The following AAMDC variants were observed in gnomAD, a reference collection of about 807,000 sequenced individuals.
AAMDC encodes the protein mth938 domain-containing protein.
A neutral mutation model predicts 15.5 loss-of-function variants in AAMDC; 16 were observed. That is an observed-to-expected ratio of 1.03 (90% CI 0.70 to 1.57). The LOEUF (loss-of-function observed/expected upper bound fraction) is 1.57, where lower values mean the gene tolerates loss of function less well. AAMDC is among the 40% of genes most tolerant of loss of function. AAMDC has a pLI of 0.00. For synonymous variants in AAMDC, 51 were observed against 51.6 expected (o/e 0.99, Z 0.05); for missense variants, 141 against 144.9 (o/e 0.97, Z 0.14).
intron 2 of AAMDC, 37 bp from the exon 3 acceptor site, chr11:77,869,685 G>C (rs1413264941): frequency 6.3e-7 from 1 of 1,581,488 alleles, no homozygotes; most frequent in Admixed American, 1.7e-5. Context: ...GAAAGATTGA[G>C]AGCAGGTACC....
chr11:77,905,811 A>G (rs898796466), intron 3 of AAMDC, among the ~76,000 whole-genome samples: 13 of 152,208 alleles, frequency 8.5e-5, no homozygotes, highest in Non-Finnish European at 1.9e-4. Context: ...CCAAAGTGAT[A>G]TGCATTTATA....
intron 1 of AAMDC, among the ~76,000 whole-genome samples, chr11:77,833,539 C>A (rs1035419667): frequency 5.3e-5 from 8 of 152,140 alleles, no homozygotes; most frequent in African/African-American, 1.9e-4. Flanking sequence ...GACAAAGTAT[C>A]GCTCACTCAC....
chr11:77,850,334 G>T (rs961391703), intron 2 of AAMDC, among the ~76,000 whole-genome samples: 2 of 152,026 alleles, frequency 1.3e-5, no homozygotes, highest in Admixed American at 6.6e-5. Flanking sequence ...CTTTTCCAGG[G>T]TCACATAACT....
At chr11:77,845,516 C>T (rs1050595573) in intron 2 of AAMDC, among the ~76,000 whole-genome samples, 9 of 152,124 alleles carry the variant, frequency 5.9e-5, no homozygotes, top group East Asian at 3.9e-4. Flanking sequence ...CTGCAACCTC[C>T]GCCTCCCAGG....
At chr11:77,854,147 C>T (rs890622201) in intron 2 of AAMDC, among the ~76,000 whole-genome samples, 7 of 151,934 alleles carry the variant, frequency 4.6e-5, no homozygotes, top group African/African-American at 7.2e-5. Flanking sequence ...CCCGCCACCA[C>T]ACCCAGCTAA....
At chr11:77,881,130 A>T (rs1312585020) in intron 5 of AAMDC, among the ~76,000 whole-genome samples, 1 of 152,200 alleles carries the variant, frequency 6.6e-6, no homozygotes, top group East Asian at 1.9e-4. Context: ...GAAGGAGACA[A>T]GATCATCTAG....
chr11:77,871,142 C>T (rs1045236175), intron 3 of AAMDC, among the ~76,000 whole-genome samples: 1 of 152,088 alleles, frequency 6.6e-6, no homozygotes, highest in African/African-American at 2.4e-5. Context: ...TTTGTTTTCC[C>T]CATTACAATA....
intron 1 of AAMDC, among the ~76,000 whole-genome samples, 195 bp from the exon 2 acceptor site, chr11:77,842,284 T>G (rs1474114534): frequency 6.6e-6 from 1 of 152,208 alleles, no homozygotes; most frequent in East Asian, 1.9e-4. Context: ...TTGCAGTATC[T>G]GGTTTCTATG....
intron 5 of AAMDC, among the ~76,000 whole-genome samples, chr11:77,899,303 C>A (rs560377645): frequency 2.8e-4 from 43 of 151,928 alleles, no homozygotes; most frequent in African/African-American, 9.2e-4. Flanking sequence ...AACTTTCAAA[C>A]CCCTGGAGGA....
At chr11:77,832,951 ATGTGTGTGTGTGTGTG>A (rs146936151) in intron 1 of AAMDC, among the ~76,000 whole-genome samples, 8,383 of 67,762 alleles carry the variant, frequency 0.12, 1,119 homozygotes, top group Non-Finnish European at 0.16. Flanking sequence ...GTATATATAT[ATGTGTGTGTGTGTGTG>A]TGTGTGTGTG....
At position 77,842,634 on chromosome 11, in the gene AAMDC, A is replaced by T. The variant is rs1216894344; in HGVS notation, c.132+6A>T. 6.2e-7 allele frequency: 1 copy of T among 1,613,570 alleles called. No individual in the cohort carries two copies. Among genetic ancestry groups the T allele is most frequent in the Admixed American group, 1.7e-5 (1 of 59,876 alleles). On this transcript the variant is annotated splice_donor_region_variant and intron_variant, in intron 2 of 3. Transcript: ENST00000393427. ...GGAGAGAAACAGGAACTGAGGTAAG[A>T]TATTAGTCTTTGGTTGATACTACAT...
At chr11:77,878,403 T>C (rs1951666973) in intron 5 of AAMDC, among the ~76,000 whole-genome samples, 1 of 151,962 alleles carries the variant, frequency 6.6e-6, no homozygotes, top group African/African-American at 2.4e-5. Context: ...AAATGATTCA[T>C]TCTCCAGCTA....
rs1156649976 is a variant in AAMDC at position 77,889,875 on chromosome 11, TAGG to T, written c.329-10693_329-10691del. 3.3e-5 allele frequency among the ~76,000 whole-genome samples: 5 copies of T among 152,308 alleles called. No homozygotes were observed. In the East Asian group the frequency reaches 7.7e-4, roughly 24 times the overall value. ...GAAGGGGGTTTTTTAGGAGACAGTC[TAGG>T]AGATGACCCTTAAGTAACCTGCCTA... On this transcript the variant is annotated intron_variant, in intron 5 of 5. Transcript: ENST00000304716.
intron 5 of AAMDC, among the ~76,000 whole-genome samples, chr11:77,882,223 G>A (rs531916527): frequency 6.6e-6 from 1 of 152,212 alleles, no homozygotes; most frequent in South Asian, 2.1e-4. Context: ...TCTTGTATAA[G>A]TTAAAATTAT....
intron 3 of AAMDC, chr11:77,870,052 CA>C: frequency 3.0e-6 from 1 of 335,422 alleles, no homozygotes; most frequent in South Asian, 6.5e-5. Flanking sequence ...TCAAGTTCTA[CA>C]AGGATCACTA....
chr11:77,841,376 C>T, intron 1 of AAMDC: 2 of 585,672 alleles, frequency 3.4e-6, no homozygotes, highest in Non-Finnish European at 3.1e-6. Context: ...GAGTTTTTTC[C>T]TTGATTTTAT....
At chr11:77,893,791 G>A (rs890907432) in intron 5 of AAMDC, among the ~76,000 whole-genome samples, 7 of 152,118 alleles carry the variant, frequency 4.6e-5, no homozygotes, top group African/African-American at 1.7e-4. Context: ...TACTTGGGAG[G>A]CTGAGGCAGA....
chr11:77,880,767 G>A (rs770777782), intron 5 of AAMDC, among the ~76,000 whole-genome samples: 29 of 152,110 alleles, frequency 1.9e-4, no homozygotes, highest in Non-Finnish European at 3.2e-4. Flanking sequence ...AGACTAGCCT[G>A]GGCAACATAG....
At chr11:77,858,502 C>T (rs1231497156) in intron 2 of AAMDC, among the ~76,000 whole-genome samples, 2 of 151,840 alleles carry the variant, frequency 1.3e-5, no homozygotes, top group African/African-American at 4.8e-5. Context: ...CTCTTTGCTA[C>T]CTGATTGGTT....
Sources: allele counts gnomAD v4.1 joint callset (sites outside exome capture counted in the v4.1 genomes callset), GRCh38; gene constraint gnomAD v4.1.1; transcripts MANE v1.5; gene names NCBI Gene and HGNC (gene_info 2026-07-23, HGNC 2026-07-21).